ZBTB10: variants seen among roughly 807,000 people sequenced by gnomAD.
ZBTB10 encodes the protein zinc finger and BTB domain-containing protein 10.
In ZBTB10, 32 loss-of-function variants were observed where a neutral mutation model predicts 76.4. The observed-to-expected ratio is 0.42, with a 90% confidence interval of 0.32 to 0.56. The LOEUF (loss-of-function observed/expected upper bound fraction) is 0.56. ZBTB10 is among the 20% of genes least tolerant of loss of function. ZBTB10 has a pLI of 0.14. For missense variants in ZBTB10, 1,057 were observed against 1,098.5 expected, an observed-to-expected ratio of 0.96 and a Z score of 0.53; for synonymous variants, 523 against 432.9, an observed-to-expected ratio of 1.21 and a Z score of -2.58.
intron 1 of ZBTB10, among the ~76,000 whole-genome samples, chr8:80,498,846 A>C (rs1385635893): frequency 6.6e-6 from 1 of 152,338 alleles, no homozygotes; most frequent in East Asian, 1.9e-4. Context: ...TTTACCTTAC[A>C]GTTTATAGTA....
intron 1 of ZBTB10, among the ~76,000 whole-genome samples, chr8:80,496,320 C>G (rs58213422): frequency 0.23 from 33,707 of 149,278 alleles, 4,686 homozygotes; most frequent in African/African-American, 0.39. Context: ...TACACATACT[C>G]TTGGAAATGA....
At chr8:80,511,859 T>C (rs1179937844) in intron 2 of ZBTB10, among the ~76,000 whole-genome samples, 1 of 152,168 alleles carries the variant, frequency 6.6e-6, no homozygotes, top group Non-Finnish European at 1.5e-5. Context: ...CTAATACATA[T>C]ATATCCCAAA....
chr8:80,512,666 C>T (rs779886354), intron 2 of ZBTB10, among the ~76,000 whole-genome samples: 40 of 152,238 alleles, frequency 2.6e-4, no homozygotes, highest in African/African-American at 9.1e-4. Flanking sequence ...GAGCTGAGAT[C>T]GTGCCACTGC....
intron 2 of ZBTB10, among the ~76,000 whole-genome samples, chr8:80,507,673 C>T (rs1028633500): frequency 2.0e-5 from 3 of 152,130 alleles, no homozygotes; most frequent in Non-Finnish European, 2.9e-5. Flanking sequence ...CTCACTGCAG[C>T]CTCAAATCCC....
chr8:80,493,207 GCACACACACACACACA>G (rs369440030), intron 1 of ZBTB10, among the ~76,000 whole-genome samples: 22 of 125,244 alleles, frequency 1.8e-4, no homozygotes, highest in Non-Finnish European at 2.2e-4. Flanking sequence ...GCGCGCGCGC[GCACACACACACACACA>G]CACACACACA....
intron 2 of ZBTB10, among the ~76,000 whole-genome samples, chr8:80,504,641 C>T (rs1473831276): frequency 2.0e-5 from 3 of 152,080 alleles, no homozygotes; most frequent in Non-Finnish European, 2.9e-5. Flanking sequence ...AAATTTCTGT[C>T]CTAAGAGAAT....
chr8:80,487,122 C>G lies in ZBTB10; in HGVS notation c.312C>G (p.Thr104=). Residue 104 remains threonine, a synonymous_variant, in exon 1 of 6, where the codon ACC becomes ACG. Transcript: ENST00000455036. ...TCCCCCAAGACGCGGGCGGCCCCAC[C>G]TCGCTTGGCGGTGGCGCGGGGGGCC... is the stretch of plus-strand genomic sequence containing the variant. ...LLLPQDAGGP[T]SLGGGAGGPL... 6.6e-7 allele frequency: 1 copy of G among 1,517,234 alleles called. No individual in the cohort carries two copies. The highest frequency in any genetic ancestry group is 8.8e-7 in the Non-Finnish European group (1 of 1,136,998). The allele number at this position is 1,517,234 out of a possible 1,614,324, so 94.0% of individuals were successfully genotyped here.
intron 1 of ZBTB10, among the ~76,000 whole-genome samples, chr8:80,491,034 T>C (rs1251008858): frequency 6.6e-6 from 1 of 152,170 alleles, no homozygotes; most frequent in Non-Finnish European, 1.5e-5. Context: ...TGAGACCCTG[T>C]CTGTACTTAG....
Position 80,486,727 on chromosome 8 carries a change from G to C in ZBTB10, c.-84G>C. Reference sequence around the variant, plus strand: ...CGCCGGGGGCGGGGGCGAGACAGAGGGGGAGCCGCGGGGAGCGCGCGGGAC... The same window carrying C: ...CGCCGGGGGCGGGGGCGAGACAGAGCGGGAGCCGCGGGGAGCGCGCGGGAC... On this transcript the variant is annotated 5_prime_UTR_variant, in exon 1 of 6. Transcript: ENST00000455036. The C allele has an allele frequency of 3.0e-6, 3 of 1,005,934 alleles. No individual in the cohort carries two copies. The highest frequency in any genetic ancestry group is 5.0e-4 in the Middle Eastern group (1 of 1,998). The allele number at this position is 1,005,934 out of a possible 1,614,324, so 62.3% of individuals were successfully genotyped here. A position where few individuals can be genotyped will look rare whatever the true frequency, so the allele number is the denominator to read the frequency against.
chr8:80,487,199 GC>G lies in ZBTB10; in HGVS notation c.390del (p.Gly132ValfsTer19), dbSNP rs1390967195. On this transcript the variant is annotated frameshift_variant, in exon 1 of 6. Coordinates refer to ENST00000455036, the MANE Select transcript of ZBTB10 (RefSeq NM_001105539.3). LOFTEE classifies it high-confidence loss of function. ...RRTLAFRGGG[G>X]GGLGNNGSSR... The stretch of plus-strand genomic sequence containing the variant: ...ACTCTGGCCTTCCGAGGCGGCGGCG[GC>G]GGGGGTCTCGGCAACAATGGCAGTA... 1 of 1,540,592 alleles carries G rather than the reference GC, an allele frequency of 6.5e-7. No individual in the cohort carries two copies. Among genetic ancestry groups the G allele is most frequent in the Admixed American group, 2.0e-5 (1 of 50,600 alleles).
chr8:80,518,730 A>G, intron 4 of ZBTB10, 52 bp from the exon 5 acceptor site: 1 of 1,528,398 alleles, frequency 6.5e-7, no homozygotes, highest in Non-Finnish European at 8.8e-7. Flanking sequence ...TTTGATAGCA[A>G]GTTTTCTGTT....
chr8:80,500,890 T>C (rs1585847921), intron 2 of ZBTB10, among the ~76,000 whole-genome samples: 1 of 152,236 alleles, frequency 6.6e-6, no homozygotes, highest in African/African-American at 2.4e-5. Context: ...ATTTTTTGTT[T>C]ATTTATTTTT....
intron 1 of ZBTB10, among the ~76,000 whole-genome samples, chr8:80,490,008 G>C (rs1417970674): frequency 6.6e-6 from 1 of 152,122 alleles, no homozygotes; most frequent in East Asian, 1.9e-4. Context: ...TGAGTAACAG[G>C]TTCCTGATCT....
At chr8:80,493,201 GCGCGCGCACA>G (rs1351078853) in intron 1 of ZBTB10, among the ~76,000 whole-genome samples, 22 of 110,640 alleles carry the variant, frequency 2.0e-4, no homozygotes, top group Admixed American at 8.6e-4. Flanking sequence ...AAACGCGCGC[GCGCGCGCACA>G]CACACACACA....
chr8:80,491,257 T>C (rs960908679), intron 1 of ZBTB10, among the ~76,000 whole-genome samples: 10 of 152,228 alleles, frequency 6.6e-5, no homozygotes, highest in African/African-American at 2.2e-4. Flanking sequence ...TGTGTTACAG[T>C]TGCCTAAAGT....
intron 1 of ZBTB10, among the ~76,000 whole-genome samples, chr8:80,492,430 C>T (rs942295005): frequency 6.6e-6 from 1 of 151,518 alleles, no homozygotes; most frequent in South Asian, 2.1e-4. Context: ...CAGACATGAC[C>T]GAAAAAAGAC....
rs1352029715 is a variant in ZBTB10, at chr8:80,499,760, A to G, written c.1239A>G (p.Ala413=). The change falls in exon 2 of 6, where the codon GCA becomes GCG. Residue 413 remains alanine (A), a synonymous_variant. Transcript: ENST00000455036. ...QNNTTHLDIA[A]VQGFSVILDF... ...ATACTACCCACTTAGATATTGCTGC[A>G]GTTCAAGGTTTTTCAGTCATCTTGG... 1 of 1,614,018 alleles carries G rather than the reference A, an allele frequency of 6.2e-7. No homozygotes were observed.
At chr8:80,518,188 A>G (rs1816377558) in intron 3 of ZBTB10, among the ~76,000 whole-genome samples, 1 of 149,732 alleles carries the variant, frequency 6.7e-6, no homozygotes, top group South Asian at 2.1e-4. Flanking sequence ...TTTTTAACTG[A>G]ATTTCTTCTA....
rs981182524 is a variant in ZBTB10 at position 80,486,349 on chromosome 8, C to CCGG, written c.-453_-451dup. On this transcript the variant is annotated 5_prime_UTR_variant, in exon 1 of 6. Transcript: ENST00000455036. Reference sequence around the variant, plus strand: ...CCTCTCACCCTCAGCGCCTGCGAAGCCGGCGGCGGCGTCGGGACTCCTCGG... The same window carrying CCGG: ...CCTCTCACCCTCAGCGCCTGCGAAGCCGGCGGCGGCGGCGTCGGGACTCCTCGG... 1.4e-5 allele frequency: 14 copies of CCGG among 989,684 alleles called. No homozygotes were observed. The South Asian group carries it at 1.8e-4, about 13-fold the overall frequency. The allele number at this position is 989,684 out of a possible 1,614,324, so 61.3% of individuals were successfully genotyped here.
Sources: allele counts gnomAD v4.1 joint callset (sites outside exome capture counted in the v4.1 genomes callset), GRCh38; gene constraint gnomAD v4.1.1; transcripts MANE v1.5; gene names NCBI Gene and HGNC (gene_info 2026-07-23, HGNC 2026-07-21).